LRRC8B: variants seen among roughly 807,000 people sequenced by gnomAD.
LRRC8B encodes the protein volume-regulated anion channel subunit LRRC8B.
In LRRC8B, 23 loss-of-function variants were observed where a neutral mutation model predicts 58.8. The observed-to-expected ratio is 0.39, with a 90% CI of 0.28 to 0.55. The LOEUF is 0.55. LRRC8B is among the 20% of genes least tolerant of loss of function. LRRC8B has a pLI of 0.62. For synonymous variants in LRRC8B, 359 were observed against 374.1 expected, an observed-to-expected ratio of 0.96 and a Z score of 0.47; for missense variants, 694 against 936.0, an observed-to-expected ratio of 0.74 and a Z score of 3.37.
At position 89,583,609 on chromosome 1, in the gene LRRC8B, T is replaced by G. The variant is rs764640585; in HGVS notation, c.959T>G (p.Val320Gly). Residue 320 changes from valine (V) to glycine (G), a missense_variant, in exon 5 of 6, where the codon GTC becomes GGC. Physicochemically the swap from Val to Gly is moderately radical, Grantham distance 109. Coordinates refer to ENST00000330947, the MANE Select transcript of LRRC8B (RefSeq NM_001369817.2). The surrounding 1 kb of genome is among the most constrained non-coding windows in gnomAD (Gnocchi z 5.2). ...TTTAAGGTCCTGGCTTCATTTTATG[T>G]CATTTTGGTTATACTTTATGGTCTG... is the stretch of plus-strand genomic sequence containing the variant. ...EIFKVLASFYVILVILYGLTS... is the reference protein window; with the variant it reads ...EIFKVLASFYGILVILYGLTS... 9 of 1,612,148 alleles carry G rather than the reference T, an allele frequency of 5.6e-6. No individual in the cohort carries two copies. In the South Asian group the frequency reaches 9.9e-5, roughly 18 times the overall value.
Position 89,568,014 on chromosome 1 carries a change from C to T in LRRC8B, c.-240-233C>T, listed in dbSNP as rs72712518. Reference sequence around the variant, plus strand: ...CGAGTAGGTCAGCAAAAATTAAAAACTGGACAAAGAAAACTGTCCCAAATG... The same window carrying T: ...CGAGTAGGTCAGCAAAAATTAAAAATTGGACAAAGAAAACTGTCCCAAATG... On this transcript the variant is annotated intron_variant, in intron 1 of 5. Transcript: ENST00000330947. 7.5e-3 allele frequency among the ~76,000 whole-genome samples: 1,145 copies of T among 152,222 alleles called. 6 individuals are homozygous for T. Among genetic ancestry groups the T allele is most frequent in the Middle Eastern group, 0.034 (10 of 294 alleles).
intron 5 of LRRC8B, among the ~76,000 whole-genome samples, chr1:89,587,191 TACTC>T (rs1050644602): frequency 6.6e-6 from 1 of 152,184 alleles, no homozygotes; most frequent in African/African-American, 2.4e-5. Context: ...GACTGCCAGA[TACTC>T]AGTAGGAAGG....
rs144661004 is a variant in LRRC8B at position 89,583,939 on chromosome 1, A to G, written c.1289A>G (p.Asn430Ser). ...DKIELHLFML[N>S]GLPDNVFELT... Reference sequence around the variant, plus strand: ...ATAGAACTGCATCTTTTTATGCTCAACGGTCTTCCAGACAATGTCTTTGAG... The same window carrying G: ...ATAGAACTGCATCTTTTTATGCTCAGCGGTCTTCCAGACAATGTCTTTGAG... The change falls in exon 5 of 6, where the codon AAC becomes AGC. Residue 430 changes from asparagine to serine, a missense_variant. Coordinates refer to ENST00000330947, the MANE Select transcript of LRRC8B (RefSeq NM_001369817.2). This position sits in a 1 kb window ranked among gnomAD's most constrained non-coding sequence, Gnocchi z 5.2. The G allele has an allele frequency of 1.5e-4, 237 of 1,614,216 alleles. No individual in the cohort carries two copies. Among genetic ancestry groups the G allele is most frequent in the East Asian group, 6.7e-4 (30 of 44,882 alleles).
intron 5 of LRRC8B, among the ~76,000 whole-genome samples, chr1:89,590,175 A>G (rs187942884): frequency 6.6e-6 from 1 of 152,300 alleles, no homozygotes; most frequent in Admixed American, 6.5e-5. Flanking sequence ...CTCATGTGTC[A>G]TACAGTCTAA....
chr1:89,572,613 G>A (rs982470695), intron 3 of LRRC8B: 1 of 152,188 alleles, frequency 6.6e-6, no homozygotes, highest in Admixed American at 6.5e-5. Flanking sequence ...CATTTGAAAG[G>A]TGAGAGTGTG....
At chr1:89,585,590 A>G (rs1371814305) in intron 5 of LRRC8B, among the ~76,000 whole-genome samples, 1 of 152,192 alleles carries the variant, frequency 6.6e-6, no homozygotes, top group African/African-American at 2.4e-5. Context: ...CCAAGGGATG[A>G]AACTGACATT....
rs1172528542 is a variant in LRRC8B at position 89,595,399 on chromosome 1, T to G, written c.*2356T>G. 1 of 152,118 alleles carries G rather than the reference T, an allele frequency of 6.6e-6. No homozygotes were observed. Among genetic ancestry groups the G allele is most frequent in the Non-Finnish European group, 1.5e-5 (1 of 67,978 alleles). The allele number at this position is 152,118 out of a possible 1,614,324, so 9.4% of individuals were successfully genotyped here. On this transcript the variant is annotated 3_prime_UTR_variant, in exon 6 of 6. Coordinates refer to ENST00000330947, the MANE Select transcript of LRRC8B (RefSeq NM_001369817.2). ...TGAATATGCCAAAAGTGCTTAAATG[T>G]TTTTGGCCACATAACTAGCTAGAAT... is the stretch of plus-strand genomic sequence containing the variant.
intron 1 of LRRC8B, among the ~76,000 whole-genome samples, chr1:89,560,054 A>T (rs1042199171): frequency 6.6e-6 from 1 of 152,224 alleles, no homozygotes; most frequent in Non-Finnish European, 1.5e-5. Context: ...TAGAGACTCT[A>T]TCAATCATTT....
At chr1:89,572,748 G>A (rs1653558104) in intron 3 of LRRC8B, 1 of 152,104 alleles carries the variant, frequency 6.6e-6, no homozygotes, top group Non-Finnish European at 1.5e-5. Context: ...AAGGATTTGA[G>A]GTTGCCTTCT....
Position 89,583,475 on chromosome 1 carries a change from T to G in LRRC8B, c.825T>G (p.Tyr275Ter). 6.2e-7 allele frequency: 1 copy of G among 1,614,092 alleles called. No individual in the cohort carries two copies. Among genetic ancestry groups the G allele is most frequent in the Non-Finnish European group, 8.5e-7 (1 of 1,180,030 alleles). ...KVILFVLIIT[Y>*]VPYFLTHITL... ...TTTTGTTTGTGCTCATCATAACTTA[T>G]GTTCCATATTTTTTAACCCACATCA... The change falls in exon 5 of 6, where the codon TAT becomes TAG. Residue 275 changes from tyrosine to a stop codon, truncating the protein, a stop_gained. Transcript: ENST00000330947. LOFTEE classifies it high-confidence loss of function. This position sits in a 1 kb window ranked among gnomAD's most constrained non-coding sequence, Gnocchi z 5.2.
chr1:89,567,772 T>C (rs1376338789), intron 1 of LRRC8B, among the ~76,000 whole-genome samples: 1 of 152,122 alleles, frequency 6.6e-6, no homozygotes, highest in Non-Finnish European at 1.5e-5. Flanking sequence ...CTGAGATGTT[T>C]ACAACATTAT....
chr1:89,527,308 T>A (rs776980747), intron 1 of LRRC8B, among the ~76,000 whole-genome samples: 1 of 152,248 alleles, frequency 6.6e-6, no homozygotes, highest in Non-Finnish European at 1.5e-5. Context: ...TCTCTAAAGT[T>A]GAATTCTCTA....
At chr1:89,540,155 TTTA>T (rs1650848692) in intron 1 of LRRC8B, among the ~76,000 whole-genome samples, 1 of 152,192 alleles carries the variant, frequency 6.6e-6, no homozygotes, top group South Asian at 2.1e-4. Flanking sequence ...TATTTTTAAG[TTTA>T]TTATTTTTTA....
chr1:89,559,108 T>A (rs987922519), intron 1 of LRRC8B: 1 of 152,120 alleles, frequency 6.6e-6, no homozygotes, highest in African/African-American at 2.4e-5. Flanking sequence ...CTTCCACACA[T>A]CTCGGTATAT....
intron 4 of LRRC8B, among the ~76,000 whole-genome samples, chr1:89,580,550 C>CT (rs1654147113): frequency 6.6e-6 from 1 of 152,168 alleles, no homozygotes; most frequent in Non-Finnish European, 1.5e-5. Context: ...ATTTTGAGGT[C>CT]TAAGCCCAGG....
At chr1:89,561,950 G>C (rs1652690321) in intron 1 of LRRC8B, among the ~76,000 whole-genome samples, 1 of 152,038 alleles carries the variant, frequency 6.6e-6, no homozygotes, top group Non-Finnish European at 1.5e-5. Flanking sequence ...TCGTGCTTTA[G>C]GTGAGCAGTT....
At chr1:89,592,132 A>G (rs1023114579) in intron 5 of LRRC8B, among the ~76,000 whole-genome samples, 3 of 152,204 alleles carry the variant, frequency 2.0e-5, no homozygotes, top group African/African-American at 7.2e-5. Flanking sequence ...AATATTTATT[A>G]TATTTAAAAG....
In LRRC8B at chr1:89,524,876, G is replaced by C. The variant is rs1323872867; in HGVS notation, c.-387G>C. On this transcript the variant is annotated 5_prime_UTR_variant, in exon 1 of 6. Transcript: ENST00000330947. The stretch of plus-strand genomic sequence containing the variant: ...GTCACAATGGAGCCGGTCGGAGGCG[G>C]CGAGCCGGACAGCGCCGGGGCTTCC... 1 of 152,178 alleles carries C rather than the reference G, an allele frequency of 6.6e-6. No individual in the cohort carries two copies. Among genetic ancestry groups the C allele is most frequent in the African/African-American group, 2.4e-5 (1 of 41,444 alleles). The allele number at this position is 152,178 out of a possible 1,614,324, so 9.4% of individuals were successfully genotyped here.
intron 1 of LRRC8B, among the ~76,000 whole-genome samples, chr1:89,546,449 G>C (rs1044616867): frequency 2.6e-5 from 4 of 152,084 alleles, no homozygotes; most frequent in Non-Finnish European, 5.9e-5. Context: ...TTCAATGGTG[G>C]GATATATCAA....
Sources: allele counts gnomAD v4.1 joint callset (sites outside exome capture counted in the v4.1 genomes callset), GRCh38; gene constraint gnomAD v4.1.1; non-coding constraint Gnocchi (gnomAD v3.1); transcripts MANE v1.5; gene names NCBI Gene and HGNC (gene_info 2026-07-23, HGNC 2026-07-21).